Variants in AP3B1 observed in about 807,000 individuals in gnomAD.
AP3B1 encodes the protein AP-3 complex subunit beta-1.
AP3B1 carries 61 observed loss-of-function variants against 132.5 expected under a neutral mutation model. The observed-to-expected ratio is 0.46, with a 90% CI of 0.37 to 0.57. The LOEUF is 0.57. Among genes scored for constraint, AP3B1 ranks in the 20% least tolerant of loss-of-function variants. The pLI is 0.00. For missense variants in AP3B1, 1,120 were observed against 1,289.4 expected (o/e 0.87, Z 2.01); for synonymous variants, 388 against 438.3 (o/e 0.89, Z 1.43).
chr5:78,082,199 A>G (rs553829656), intron 22 of AP3B1, among the ~76,000 whole-genome samples: 11 of 152,308 alleles, frequency 7.2e-5, no homozygotes, highest in African/African-American at 2.6e-4. Context: ...CTATGTTATT[A>G]CTGAACATAA....
chr5:78,200,997 G>C (rs1366881628), intron 7 of AP3B1, among the ~76,000 whole-genome samples: 1 of 152,124 alleles, frequency 6.6e-6, no homozygotes, highest in Non-Finnish European at 1.5e-5. Context: ...CCTAATAAAA[G>C]AAGGAAATCT....
intron 22 of AP3B1, among the ~76,000 whole-genome samples, chr5:78,053,405 G>C (rs550157581): frequency 2.6e-5 from 4 of 152,058 alleles, no homozygotes; most frequent in African/African-American, 9.6e-5. Context: ...GTCCCAGTCG[G>C]GTGCAGCGGC....
At chr5:78,025,743 C>T (rs945108340) in intron 24 of AP3B1, among the ~76,000 whole-genome samples, 2 of 152,182 alleles carry the variant, frequency 1.3e-5, no homozygotes, top group African/African-American at 4.8e-5. Flanking sequence ...GAAGCTACTG[C>T]ACCAGCTCTG....
rs149299100 is a variant in AP3B1 at position 78,150,602 on chromosome 5, G to A, written c.1473+5656C>T. On this transcript the variant is annotated intron_variant, in intron 14 of 26. Transcript: ENST00000255194. ...GCAGCACTACTATGTGCCAGCCAGC[G>A]TTCCAAGGGCATTACCATATTAACT... Among the ~76,000 whole-genome samples the A allele has an allele frequency of 3.0e-3, 458 of 152,278 alleles. 2 individuals are homozygous for A. The highest frequency in any genetic ancestry group is 0.01 in the African/African-American group (435 of 41,556).
chr5:78,066,769 C>G (rs1313483094), intron 22 of AP3B1, among the ~76,000 whole-genome samples: 1 of 152,126 alleles, frequency 6.6e-6, no homozygotes, highest in Non-Finnish European at 1.5e-5. Context: ...GAAAACTTCC[C>G]CAGCCTAGCA....
rs116234409 is a variant in AP3B1 at position 78,185,653 on chromosome 5, G to A, written c.787-3991C>T. On this transcript the variant is annotated intron_variant, in intron 7 of 26. Transcript: ENST00000255194. ...GTAGAAAGATTACTTAAGGCCAGGA[G>A]TTCTAGACCAGCCTGGGCAACAGAG... Among the ~76,000 whole-genome samples, 1,096 of 152,254 alleles carry A rather than the reference G, an allele frequency of 7.2e-3. 10 individuals carry two copies. Among genetic ancestry groups the A allele is most frequent in the African/African-American group, 0.025 (1,046 of 41,554 alleles).
chr5:78,195,064 C>CAAA (rs35455070), intron 7 of AP3B1, among the ~76,000 whole-genome samples: 3 of 137,638 alleles, frequency 2.2e-5, no homozygotes, highest in Non-Finnish European at 1.6e-5. Context: ...TGGACCAAAC[C>CAAA]AAAAAAAAAA....
intron 2 of AP3B1, among the ~76,000 whole-genome samples, chr5:78,266,685 G>C (rs1748335868): frequency 6.6e-6 from 1 of 152,200 alleles, no homozygotes; most frequent in East Asian, 1.9e-4. Flanking sequence ...AATCAGCAAT[G>C]GTGGTGATAA....
chr5:78,100,931 T>G, intron 21 of AP3B1, 22 bp downstream of exon 21: 1 of 1,391,212 alleles, frequency 7.2e-7, no homozygotes, highest in Non-Finnish European at 1.0e-6. Context: ...ACAGAAGAAA[T>G]ATTTTAAATT....
At chr5:78,185,510 G>A (rs564382926) in intron 7 of AP3B1, among the ~76,000 whole-genome samples, 4 of 152,274 alleles carry the variant, frequency 2.6e-5, no homozygotes, top group Non-Finnish European at 4.4e-5. Flanking sequence ...GACATCAGTA[G>A]ACTGTGATGG....
At chr5:78,225,457 C>T (rs550871752) in intron 6 of AP3B1, 85 bp downstream of exon 6, 2 of 763,976 alleles carry the variant, frequency 2.6e-6, no homozygotes, top group African/African-American at 3.6e-5. Flanking sequence ...TCAATAAATA[C>T]AACTATATAA....
rs780889993 is a variant in AP3B1, at chr5:78,129,358, G to A, written c.1651-51C>T. 1.4e-5 allele frequency: 19 copies of A among 1,359,696 alleles called. No homozygotes were observed. The African/African-American group carries it at 1.7e-4, about 12-fold the overall frequency. 84.2% of individuals were successfully genotyped at this position (1,359,696 alleles called of 1,614,324 possible). The stretch of plus-strand genomic sequence containing the variant: ...GAGAATACAGTTATTTATGATTATC[G>A]ATAACTCTGGATAAACATATTTAAA... On this transcript the variant is annotated intron_variant, in intron 15 of 26. Transcript: ENST00000255194.
chr5:78,269,857 A>G (rs896585498), intron 1 of AP3B1, among the ~76,000 whole-genome samples: 3 of 151,966 alleles, frequency 2.0e-5, no homozygotes, highest in Non-Finnish European at 4.4e-5. Flanking sequence ...TGGGGCTTGT[A>G]TTTTATTTTG....
In AP3B1 at chr5:78,240,843, T is replaced by C. The variant is rs756610617; in HGVS notation, c.279+19A>G. On this transcript the variant is annotated intron_variant, in intron 3 of 26. Transcript: ENST00000255194. ...ATGAAAACAAAAGGAATCATAAAAA[T>C]TATAGATCAAAACAGTACCTCAATA... The C allele has an allele frequency of 6.4e-7, 1 of 1,561,782 alleles. No homozygotes were observed. Among genetic ancestry groups the C allele is most frequent in the Non-Finnish European group, 8.8e-7 (1 of 1,132,594 alleles).
intron 1 of AP3B1, among the ~76,000 whole-genome samples, chr5:78,291,431 A>AC (rs1749520126): frequency 6.6e-6 from 1 of 151,280 alleles, no homozygotes; most frequent in South Asian, 2.1e-4. Flanking sequence ...AAAAAAAAAA[A>AC]AAAAAAAACA....
chr5:78,059,432 G>A (rs1406900239), intron 22 of AP3B1, among the ~76,000 whole-genome samples: 1 of 152,164 alleles, frequency 6.6e-6, no homozygotes, highest in Admixed American at 6.5e-5. Flanking sequence ...GGTAACTGCG[G>A]TGCCTAGTTG....
At chr5:78,051,440 A>T (rs1387409439) in intron 22 of AP3B1, among the ~76,000 whole-genome samples, 1 of 152,138 alleles carries the variant, frequency 6.6e-6, no homozygotes, top group Admixed American at 6.5e-5. Flanking sequence ...GAGATTATTA[A>T]GATTAAAGTT....
intron 20 of AP3B1, among the ~76,000 whole-genome samples, chr5:78,103,186 T>TA (rs1751198757): frequency 6.6e-6 from 1 of 152,182 alleles, no homozygotes; most frequent in South Asian, 2.1e-4. Flanking sequence ...TTTTCATACT[T>TA]AAAGGATCTA....
At chr5:78,189,649 C>T (rs1435692056) in intron 7 of AP3B1, among the ~76,000 whole-genome samples, 6 of 152,014 alleles carry the variant, frequency 3.9e-5, no homozygotes, top group Admixed American at 6.6e-5. Context: ...GCAGGCGGAT[C>T]ACCTGAGGTC....
Sources: allele counts gnomAD v4.1 joint callset (sites outside exome capture counted in the v4.1 genomes callset), GRCh38; gene constraint gnomAD v4.1.1; transcripts MANE v1.5; gene names NCBI Gene and HGNC (gene_info 2026-07-23, HGNC 2026-07-21).